The following FBLN5 variants were observed in gnomAD, a reference collection of about 807,000 sequenced individuals.
FBLN5 encodes the protein fibulin-5.
In FBLN5, 24 loss-of-function variants were observed where a neutral mutation model predicts 61.6. The ratio of observed to expected loss-of-function variants is 0.39; its 90% CI spans 0.28 to 0.55. FBLN5 has a LOEUF of 0.55. Ranked by LOEUF, FBLN5 falls within the 20% of genes least tolerant of loss-of-function variation. FBLN5 has a pLI of 0.65. For synonymous variants in FBLN5, 213 were observed against 219.8 expected (o/e 0.97, Z 0.27); for missense variants, 470 against 594.1 (o/e 0.79, Z 2.17).
At chr14:91,911,600 C>T (rs975684181) in intron 4 of FBLN5, among the ~76,000 whole-genome samples, 2 of 152,210 alleles carry the variant, frequency 1.3e-5, no homozygotes, top group Admixed American at 6.5e-5. Flanking sequence ...GAACCTTCCA[C>T]TAGCTCCGCA....
intron 4 of FBLN5, among the ~76,000 whole-genome samples, chr14:91,897,267 T>C (rs1890265047): frequency 6.6e-6 from 1 of 152,176 alleles, no homozygotes; most frequent in Admixed American, 6.5e-5. Flanking sequence ...CATGCAGCTC[T>C]GCCCACCGAG....
chr14:91,913,431 T>C (rs1891044692), intron 4 of FBLN5, among the ~76,000 whole-genome samples: 1 of 152,244 alleles, frequency 6.6e-6, no homozygotes, highest in South Asian at 2.1e-4. Flanking sequence ...AAATCTATTA[T>C]GTATGAGACT....
chr14:91,892,090 C>T (rs1890020385), intron 5 of FBLN5, among the ~76,000 whole-genome samples: 1 of 152,224 alleles, frequency 6.6e-6, no homozygotes, highest in South Asian at 2.1e-4. Flanking sequence ...ATCCTTTGAG[C>T]AGAGCTGGGC....
intron 4 of FBLN5, among the ~76,000 whole-genome samples, chr14:91,918,238 T>G (rs926609311): frequency 1.3e-5 from 2 of 152,232 alleles, no homozygotes; most frequent in African/African-American, 4.8e-5. Context: ...GATTCGAAGC[T>G]TTTCAGAATC....
At position 91,883,096 on chromosome 14, in the gene FBLN5, C is replaced by G; in HGVS notation, c.740-20G>C. 1 of 1,613,176 alleles carries G rather than the reference C, an allele frequency of 6.2e-7. No individual in the cohort carries two copies. Among genetic ancestry groups the G allele is most frequent in the Non-Finnish European group, 8.5e-7 (1 of 1,179,442 alleles). ...CCATATCTGGGGTGACAAGTCACAC[C>G]TGCTGTTTGTAATCCCAGTCTACAT... On this transcript the variant is annotated intron_variant, in intron 7 of 10. Coordinates refer to ENST00000342058, the MANE Select transcript of FBLN5 (RefSeq NM_006329.4).
chr14:91,894,866 CAG>C, intron 5 of FBLN5, 82 bp downstream of exon 5: 5 of 1,181,438 alleles, frequency 4.2e-6, no homozygotes, highest in East Asian at 3.8e-5. Flanking sequence ...TACCCTCAGG[CAG>C]CCAGCTATGC....
intron 6 of FBLN5, among the ~76,000 whole-genome samples, chr14:91,890,645 C>T (rs1889950458): frequency 6.6e-6 from 1 of 152,186 alleles, no homozygotes; most frequent in Non-Finnish European, 1.5e-5. Flanking sequence ...CACAAAATGC[C>T]TTTGTTTCAG....
intron 4 of FBLN5, among the ~76,000 whole-genome samples, chr14:91,922,113 CA>C (rs1205726886): frequency 3.3e-5 from 5 of 151,868 alleles, no homozygotes; most frequent in African/African-American, 1.2e-4. Flanking sequence ...GCCAACATGG[CA>C]AAACCCCATT....
At chr14:91,884,054 G>A (rs1889612104) in intron 7 of FBLN5, among the ~76,000 whole-genome samples, 1 of 152,194 alleles carries the variant, frequency 6.6e-6, no homozygotes, top group Admixed American at 6.5e-5. Context: ...CATGTGACAT[G>A]TCCTCGGATT....
intron 10 of FBLN5, chr14:91,874,372 T>G (rs1221837670): frequency 6.6e-6 from 1 of 152,222 alleles, no homozygotes; most frequent in African/African-American, 2.4e-5. Flanking sequence ...TGGAATACTT[T>G]CTATTGTAAC....
intron 1 of FBLN5, chr14:91,946,654 A>T: frequency 7.3e-7 from 1 of 1,361,864 alleles, no homozygotes; most frequent in Non-Finnish European, 1.0e-6. Flanking sequence ...TCCAAGACTT[A>T]AGGATTACTT....
intron 4 of FBLN5, among the ~76,000 whole-genome samples, chr14:91,922,008 T>C (rs984958623): frequency 6.6e-6 from 1 of 152,116 alleles, no homozygotes; most frequent in African/African-American, 2.4e-5. Context: ...ACATATTCTC[T>C]AAAATGAAGG....
rs146524501 is a variant in FBLN5 at position 91,914,409 on chromosome 14, C to T, written c.380-19337G>A. Among the ~76,000 whole-genome samples, 1,654 of 131,220 alleles carry T rather than the reference C, an allele frequency of 0.013. 72 individuals carry two copies. The East Asian group carries it at 0.13, about 11-fold the overall frequency. 86.1% of individuals were successfully genotyped at this position (131,220 alleles called of 152,430 possible). On this transcript the variant is annotated intron_variant, in intron 4 of 10. Transcript: ENST00000342058. ...AGGAGAATGGCATGAACCCAGGAGG[C>T]GGAGCTTGCAGTGAGCCGAGATCAT... is the stretch of plus-strand genomic sequence containing the variant.
At chr14:91,893,011 G>T (rs1379298595) in intron 5 of FBLN5, among the ~76,000 whole-genome samples, 1 of 134,674 alleles carries the variant, frequency 7.4e-6, no homozygotes, top group Non-Finnish European at 1.7e-5. Context: ...GTAGAGGAAT[G>T]TCCGAGTTGC....
chr14:91,896,459 T>C (rs1890230711), intron 4 of FBLN5, among the ~76,000 whole-genome samples: 1 of 128,264 alleles, frequency 7.8e-6, no homozygotes, highest in Non-Finnish European at 1.7e-5. Flanking sequence ...TGGACCATGG[T>C]GCAGTCGGAA....
Position 91,870,308 on chromosome 14 carries a change from T to C in FBLN5, c.1263A>G (p.Glu421=). Residue 421 remains glutamate (E), a synonymous_variant, in exon 11 of 11, where the codon GAA becomes GAG. Transcript: ENST00000342058. The part of the protein sequence containing the change: ...KGPREIQLDL[E]MITVNTVINF... Reference sequence around the variant, plus strand: ...TGATGACAGTGTTGACAGTGATCATTTCCAAGTCCAGCTGGATTTCCCGGG... The same window carrying C: ...TGATGACAGTGTTGACAGTGATCATCTCCAAGTCCAGCTGGATTTCCCGGG... 6.2e-7 allele frequency: 1 copy of C among 1,614,190 alleles called. No individual in the cohort carries two copies. The highest frequency in any genetic ancestry group is 8.5e-7 in the Non-Finnish European group (1 of 1,180,006).
chr14:91,888,063 C>T (rs1889809730), intron 6 of FBLN5, among the ~76,000 whole-genome samples: 1 of 152,196 alleles, frequency 6.6e-6, no homozygotes, highest in Non-Finnish European at 1.5e-5. Flanking sequence ...CTTTGGGAGG[C>T]TGAGGCAGGT....
At chr14:91,946,870 C>A in intron 1 of FBLN5, 1 of 1,486,038 alleles carries the variant, frequency 6.7e-7, no homozygotes, top group Non-Finnish European at 8.9e-7. Context: ...TAGTAATTGG[C>A]CTCCCGAAAT....
intron 4 of FBLN5, among the ~76,000 whole-genome samples, chr14:91,913,989 G>A (rs1008646507): frequency 1.3e-5 from 2 of 152,188 alleles, no homozygotes; most frequent in African/African-American, 4.8e-5. Flanking sequence ...GTAGTCTTAA[G>A]TGCTGACTTA....
Sources: gnomAD v4.1 joint callset for allele counts (sites outside exome capture counted in the v4.1 genomes callset) on GRCh38, gnomAD v4.1.1 for gene constraint, MANE v1.5 for transcripts, NCBI Gene and HGNC (gene_info 2026-07-23, HGNC 2026-07-21) for gene names.